The following GRID2 variants were observed in gnomAD, a reference collection of about 807,000 sequenced individuals.
GRID2 encodes glutamate receptor ionotropic, delta-2.
In GRID2, 33 loss-of-function variants were observed where a neutral mutation model predicts 114.8. The observed-to-expected ratio is 0.29, with a 90% CI of 0.22 to 0.38. The LOEUF is 0.38. GRID2 is among the 10% of genes least tolerant of loss of function. GRID2 has a pLI of 1.00. For missense variants in GRID2, 1,184 were observed against 1,257.7 expected (o/e 0.94, Z 0.89); for synonymous variants, 505 against 449.9 (o/e 1.12, Z -1.55).
intron 9 of GRID2, among the ~76,000 whole-genome samples, chr4:93,420,947 G>T (rs1271473918): frequency 6.6e-6 from 1 of 152,020 alleles, no homozygotes; most frequent in Admixed American, 6.6e-5. Context: ...TAGAGACGGG[G>T]TTTCACCATG....
intron 13 of GRID2, among the ~76,000 whole-genome samples, chr4:93,589,569 G>A (rs1391114448): frequency 6.6e-6 from 1 of 152,080 alleles, no homozygotes; most frequent in Non-Finnish European, 1.5e-5. Context: ...TATATACCCA[G>A]TAATGGGATG....
At chr4:92,608,833 G>T (rs1008726749) in intron 2 of GRID2, among the ~76,000 whole-genome samples, 1 of 151,690 alleles carries the variant, frequency 6.6e-6, no homozygotes, top group African/African-American at 2.4e-5. Context: ...AATAAAACAA[G>T]CTCTTCAATT....
chr4:93,173,207 T>C (rs926194005), intron 4 of GRID2, among the ~76,000 whole-genome samples: 2 of 152,256 alleles, frequency 1.3e-5, no homozygotes, highest in South Asian at 2.1e-4. Flanking sequence ...TCCAATAGAT[T>C]TTTTTGACCA....
intron 2 of GRID2, among the ~76,000 whole-genome samples, chr4:92,816,149 C>T (rs1231643310): frequency 1.3e-5 from 2 of 150,996 alleles, no homozygotes; most frequent in Non-Finnish European, 3.0e-5. Flanking sequence ...AACCCCATCT[C>T]TACCAAAAAT....
At chr4:92,657,453 T>G (rs1206477932) in intron 2 of GRID2, among the ~76,000 whole-genome samples, 1 of 151,700 alleles carries the variant, frequency 6.6e-6, no homozygotes, top group Non-Finnish European at 1.5e-5. Context: ...TATGAAATTA[T>G]TCAAGCAGAT....
At chr4:92,812,388 G>T (rs1176937766) in intron 2 of GRID2, among the ~76,000 whole-genome samples, 3 of 152,004 alleles carry the variant, frequency 2.0e-5, no homozygotes, top group Non-Finnish European at 4.4e-5. Flanking sequence ...TTCTTTCCAT[G>T]GGAGGAGGGT....
chr4:92,524,407 CTTTTTTTT>C (rs869060153), intron 1 of GRID2, among the ~76,000 whole-genome samples: 1,676 of 106,546 alleles, frequency 0.016, 10 homozygotes, highest in Non-Finnish European at 0.023. Flanking sequence ...ATTTCCTTGT[CTTTTTTTT>C]TTTTTTTTTT....
At chr4:93,728,378 T>C (rs1243120836) in intron 14 of GRID2, among the ~76,000 whole-genome samples, 16 of 152,108 alleles carry the variant, frequency 1.1e-4, no homozygotes, top group African/African-American at 3.4e-4. Flanking sequence ...TGTTCTTTTA[T>C]ATTTGCTGAG....
chr4:92,697,823 G>C (rs1019002585), intron 2 of GRID2, among the ~76,000 whole-genome samples: 1 of 152,102 alleles, frequency 6.6e-6, no homozygotes, highest in East Asian at 1.9e-4. Flanking sequence ...ATGAGGTCAG[G>C]TTGCACCATT....
intron 3 of GRID2, among the ~76,000 whole-genome samples, chr4:93,088,622 A>T (rs758662633): frequency 9.2e-5 from 14 of 152,256 alleles, no homozygotes; most frequent in Non-Finnish European, 4.4e-5. Flanking sequence ...AATATGTGAG[A>T]AACAGCCCCC....
intron 2 of GRID2, among the ~76,000 whole-genome samples, chr4:93,074,827 G>A (rs985856026): frequency 3.9e-5 from 6 of 152,070 alleles, no homozygotes; most frequent in African/African-American, 1.2e-4. Context: ...CAAATTTCAG[G>A]GGAATATTAC....
At chr4:93,332,647 C>T (rs1044969843) in intron 8 of GRID2, among the ~76,000 whole-genome samples, 2 of 151,992 alleles carry the variant, frequency 1.3e-5, no homozygotes, top group African/African-American at 4.8e-5. Flanking sequence ...AATAATATGT[C>T]ACATTGTTTT....
At position 92,668,573 on chromosome 4, in the gene GRID2, G is replaced by A. The variant is rs566302477; in HGVS notation, c.244+78287G>A. On this transcript the variant is annotated intron_variant, in intron 2 of 15. Transcript: ENST00000282020. ...CTGACAAACTTGTGTGAGCCAACTAGGTAGATTTTAGTTGAGCAATCTAGA... is the reference window on the plus strand; with the variant it reads ...CTGACAAACTTGTGTGAGCCAACTAAGTAGATTTTAGTTGAGCAATCTAGA... 3.3e-5 allele frequency among the ~76,000 whole-genome samples: 5 copies of A among 151,816 alleles called. No homozygotes were observed. The East Asian group carries it at 9.7e-4, about 29-fold the overall frequency.
At chr4:92,865,137 C>A (rs1010251940) in intron 2 of GRID2, among the ~76,000 whole-genome samples, 1 of 152,108 alleles carries the variant, frequency 6.6e-6, no homozygotes, top group Non-Finnish European at 1.5e-5. Context: ...AGATTGGTCC[C>A]CTTTGTATAT....
At chr4:92,875,853 A>G (rs1745590614) in intron 2 of GRID2, among the ~76,000 whole-genome samples, 2 of 152,308 alleles carry the variant, frequency 1.3e-5, no homozygotes, top group East Asian at 1.9e-4. Flanking sequence ...ATCATTAAGC[A>G]TTTACTGAAG....
chr4:93,026,732 G>A (rs1723916345), intron 2 of GRID2, among the ~76,000 whole-genome samples: 1 of 151,878 alleles, frequency 6.6e-6, no homozygotes, highest in Non-Finnish European at 1.5e-5. Flanking sequence ...TGCATCTTGA[G>A]TTTTTAATGC....
At chr4:93,372,757 C>A (rs377579590) in intron 8 of GRID2, among the ~76,000 whole-genome samples, 2 of 152,096 alleles carry the variant, frequency 1.3e-5, no homozygotes, top group Non-Finnish European at 2.9e-5. Context: ...AGATCTTAAG[C>A]ACAATACAAT....
intron 1 of GRID2, among the ~76,000 whole-genome samples, chr4:92,322,948 G>A (rs1360940857): frequency 1.3e-5 from 2 of 152,038 alleles, no homozygotes; most frequent in Non-Finnish European, 2.9e-5. Context: ...TCTAGTGCCT[G>A]TAATTGCTCC....
At chr4:93,806,376 C>T (rs1735033913) in intron 1 of GRID2, among the ~76,000 whole-genome samples, 1 of 152,194 alleles carries the variant, frequency 6.6e-6, no homozygotes, top group Non-Finnish European at 1.5e-5. Flanking sequence ...GAGAGCGATA[C>T]TGCCTTTATT....
Sources: gnomAD v4.1 joint callset for allele counts (sites outside exome capture counted in the v4.1 genomes callset) on GRCh38, gnomAD v4.1.1 for gene constraint, MANE v1.5 for transcripts, NCBI Gene and HGNC (gene_info 2026-07-23, HGNC 2026-07-21) for gene names.